The following TRIOBP variants were observed in gnomAD, a reference collection of about 807,000 sequenced individuals.
TRIOBP encodes TRIO and F-actin binding protein.
In TRIOBP, 169 loss-of-function variants were observed where a neutral mutation model predicts 238.8. That is an observed-to-expected ratio of 0.71 (90% confidence interval 0.62 to 0.80). The LOEUF is 0.80. Among genes scored for constraint, TRIOBP ranks in the 30% least tolerant of loss-of-function variants. The pLI is 0.00. For synonymous variants in TRIOBP, 1,150 were observed against 1,274.4 expected (o/e 0.90, Z 2.08); for missense variants, 2,838 against 3,122.6 (o/e 0.91, Z 2.17).
intron 17 of TRIOBP, 26 bp downstream of exon 17, chr22:37,759,290 G>A: frequency 6.2e-7 from 1 of 1,602,228 alleles, no homozygotes; most frequent in African/African-American, 1.3e-5. Context: ...TGTTTTTCAG[G>A]GGGAGGGGGC....
intron 3 of TRIOBP, among the ~76,000 whole-genome samples, chr22:37,706,236 G>T (rs1054732690): frequency 2.6e-5 from 4 of 151,924 alleles, no homozygotes; most frequent in Non-Finnish European, 5.9e-5. Context: ...GGAGATGAGG[G>T]GGAAGTTAGT....
intron 11 of TRIOBP, chr22:37,746,257 C>A: frequency 3.8e-6 from 4 of 1,064,442 alleles, no homozygotes; most frequent in Non-Finnish European, 4.5e-6. Flanking sequence ...TGGAAGGGGC[C>A]GGGGCAGCGT....
At position 37,772,724 on chromosome 22, in the gene TRIOBP, CA is replaced by C; in HGVS notation, c.7061del (p.Gln2354ArgfsTer115). 3 of 1,613,996 alleles carry C rather than the reference CA, an allele frequency of 1.9e-6. No homozygotes were observed. In the South Asian group the frequency reaches 3.3e-5, roughly 18 times the overall value. The stretch of plus-strand genomic sequence containing the variant: ...CCTGCGTCTTGCCATGGCCGCCCTC[CA>C]GGAGAAGGAGTCGATGCGCAACAGC... Reference protein sequence around the residue: ...EHLRLAMAALQEKESMRNSLA... With the variant: ...EHLRLAMAALXEKESMRNSLA... On this transcript the variant is annotated frameshift_variant, in exon 23 of 24. Coordinates refer to ENST00000644935, the MANE Select transcript of TRIOBP (RefSeq NM_001039141.3). LOFTEE classifies it high-confidence loss of function.
Position 37,724,393 on chromosome 22 carries a change from A to G in TRIOBP, c.1837A>G (p.Thr613Ala), listed in dbSNP as rs1263217562. 2.8e-6 allele frequency: 4 copies of G among 1,449,852 alleles called. No homozygotes were observed. In the Admixed American group the frequency reaches 6.2e-5, roughly 23 times the overall value. The allele number at this position is 1,449,852 out of a possible 1,614,324, so 89.8% of individuals were successfully genotyped here. Reference protein sequence around the residue: ...AQRDNPRASRTSSPNRATRDN... With the variant: ...AQRDNPRASRASSPNRATRDN... ...GCGGGACAATCCCAGAGCCTCCAGA[A>G]CCTCCTCTCCCAATAGAGCCACACG... The change falls in exon 7 of 24, where the codon ACC becomes GCC. Residue 613 changes from threonine to alanine, a missense_variant. Transcript: ENST00000644935.
chr22:37,714,374 T>C (rs575384425), intron 5 of TRIOBP, among the ~76,000 whole-genome samples: 35 of 152,224 alleles, frequency 2.3e-4, no homozygotes, highest in African/African-American at 7.7e-4. Flanking sequence ...TTTAATTTAA[T>C]TGATTGATTG....
intron 3 of TRIOBP, among the ~76,000 whole-genome samples, chr22:37,709,592 C>T (rs941142135): frequency 5.9e-5 from 9 of 152,194 alleles, no homozygotes; most frequent in Non-Finnish European, 1.0e-4. Flanking sequence ...CCCAGGTAAT[C>T]CGAGAGGAGG....
chr22:37,759,360 G>C, intron 17 of TRIOBP, 96 bp downstream of exon 17: 1 of 1,361,406 alleles, frequency 7.3e-7, no homozygotes, highest in Admixed American at 1.7e-5. Context: ...CTTCCTGTGT[G>C]TGCTGGAACC....
rs765878154 is a variant in TRIOBP, at chr22:37,726,384, G to GC, written c.3833dup (p.Pro1279ThrfsTer102). The GC allele has an allele frequency of 9.4e-6, 15 of 1,589,654 alleles. No individual in the cohort carries two copies. In the Admixed American group the frequency reaches 2.6e-4, roughly 28 times the overall value. ...AGGAGTACACTGTGCTGGCCGACCT[G>GC]CCCCCACCCAGGAGGCTGGCCCAGA... On this transcript the variant is annotated frameshift_variant, in exon 7 of 24. Transcript: ENST00000644935. LOFTEE classifies it high-confidence loss of function.
chr22:37,741,746 C>T (rs1287286296), intron 11 of TRIOBP, among the ~76,000 whole-genome samples: 1 of 152,140 alleles, frequency 6.6e-6, no homozygotes, highest in Non-Finnish European at 1.5e-5. Context: ...TGCCTGAGGT[C>T]GCACAGCTTG....
Position 37,759,221 on chromosome 22 carries a change from G to C in TRIOBP, c.6281G>C (p.Arg2094Thr). Residue 2094 changes from arginine to threonine, a missense_variant, in exon 17 of 24, where the codon AGA becomes ACA. Arg to Thr is a moderately conservative substitution (Grantham distance 71). This residue lies in a region of TRIOBP where 2,096 missense variants were observed against 2,137.4 expected (regional missense o/e 0.98). Coordinates refer to ENST00000644935, the MANE Select transcript of TRIOBP (RefSeq NM_001039141.3). Reference sequence around the variant, plus strand: ...GGGGAGGCTCCTCAGAGTGCACTGAGATCCCAGGAGGATGGCCACATCCCC... The same window carrying C: ...GGGGAGGCTCCTCAGAGTGCACTGACATCCCAGGAGGATGGCCACATCCCC... ...LQGEAPQSAL[R>T]SQEDGHIPPG... 1.9e-6 allele frequency: 3 copies of C among 1,613,108 alleles called. No homozygotes were observed. The highest frequency in any genetic ancestry group is 2.5e-6 in the Non-Finnish European group (3 of 1,179,996).
intron 22 of TRIOBP, chr22:37,771,962 A>T: frequency 1.5e-6 from 1 of 652,746 alleles, no homozygotes; most frequent in South Asian, 1.5e-5. Flanking sequence ...CTGTTTATTT[A>T]GCATTATTTA....
At chr22:37,744,365 T>C (rs1925113042) in intron 11 of TRIOBP, among the ~76,000 whole-genome samples, 1 of 152,088 alleles carries the variant, frequency 6.6e-6, no homozygotes, top group South Asian at 2.1e-4. Context: ...TTGACCAAAG[T>C]ATGTGTCTCT....
At chr22:37,745,738 G>C (rs192196048) in intron 11 of TRIOBP, among the ~76,000 whole-genome samples, 1 of 152,188 alleles carries the variant, frequency 6.6e-6, no homozygotes, top group African/African-American at 2.4e-5. Flanking sequence ...TCCCAAGTCT[G>C]TGGTGAGGAC....
intron 11 of TRIOBP, chr22:37,750,538 CG>C (rs1488540022): frequency 2.8e-4 from 119 of 427,822 alleles, no homozygotes; most frequent in Non-Finnish European, 5.6e-4. Flanking sequence ...GGGCAGCCTC[CG>C]TCTCAGGTGG....
At chr22:37,742,813 TGC>T (rs1200051967) in intron 11 of TRIOBP, among the ~76,000 whole-genome samples, 2 of 152,188 alleles carry the variant, frequency 1.3e-5, no homozygotes, top group African/African-American at 4.8e-5. Context: ...GCCTACTACA[TGC>T]CCAGCTCTGT....
intron 6 of TRIOBP, among the ~76,000 whole-genome samples, chr22:37,716,319 C>T (rs1923517942): frequency 6.6e-6 from 1 of 152,006 alleles, no homozygotes; most frequent in African/African-American, 2.4e-5. Flanking sequence ...ACCATGTTAG[C>T]CCAGCTGGTC....
intron 12 of TRIOBP, 144 bp from the exon 13 acceptor site, chr22:37,754,733 C>T: frequency 1.3e-6 from 1 of 779,586 alleles, no homozygotes; most frequent in South Asian, 1.4e-5. Context: ...CCCTGAGGCT[C>T]AGAGAGGAAA....
At chr22:37,746,330 C>A in intron 11 of TRIOBP, 2 of 1,155,132 alleles carry the variant, frequency 1.7e-6, no homozygotes, top group Non-Finnish European at 2.1e-6. Flanking sequence ...GCGGCGGCGG[C>A]GGCGGGGTTC....
chr22:37,762,736 C>T (rs1401329635), intron 17 of TRIOBP, among the ~76,000 whole-genome samples: 1 of 152,144 alleles, frequency 6.6e-6, no homozygotes, highest in Non-Finnish European at 1.5e-5. Flanking sequence ...TCATCTGTAT[C>T]GCCCTCAGGC....
Sources: gnomAD v4.1 joint callset for allele counts (sites outside exome capture counted in the v4.1 genomes callset) on GRCh38, gnomAD v4.1.1 for gene constraint, gnomAD v4.1.1 regional missense constraint, MANE v1.5 for transcripts, NCBI Gene and HGNC (gene_info 2026-07-23, HGNC 2026-07-21) for gene names.